NRXN3: variants seen among roughly 807,000 people sequenced by gnomAD.
NRXN3 encodes neurexin 3.
NRXN3 carries 32 observed loss-of-function variants against 137.6 expected under a neutral mutation model. That is an observed-to-expected ratio of 0.23 (90% CI 0.18 to 0.31). NRXN3 has a LOEUF of 0.31. Ranked by LOEUF, NRXN3 falls within the 10% of genes least tolerant of loss-of-function variation. The pLI, the probability that NRXN3 is intolerant of heterozygous loss-of-function variation, is 1.00. For missense variants in NRXN3, 1,574 were observed against 2,062.5 expected, an observed-to-expected ratio of 0.76 and a Z score of 4.59; for synonymous variants, 798 against 784.5, an observed-to-expected ratio of 1.02 and a Z score of -0.29.
chr14:78,259,208 A>AC (rs2070260699), intron 2 of NRXN3, among the ~76,000 whole-genome samples: 1 of 152,164 alleles, frequency 6.6e-6, no homozygotes, highest in African/African-American at 2.4e-5. Flanking sequence ...GTGATGACGA[A>AC]CCTGAGGGTT....
chr14:78,866,381 G>A (rs1052267362), intron 10 of NRXN3, among the ~76,000 whole-genome samples: 3 of 152,064 alleles, frequency 2.0e-5, no homozygotes, highest in African/African-American at 7.2e-5. Context: ...TATTTTGTGT[G>A]GAATATGTAT....
At chr14:78,605,432 A>T (rs2097242038) in intron 4 of NRXN3, among the ~76,000 whole-genome samples, 2 of 152,238 alleles carry the variant, frequency 1.3e-5, no homozygotes, top group Admixed American at 6.5e-5. Flanking sequence ...TGAAATATTA[A>T]AAGAAATTCA....
intron 4 of NRXN3, among the ~76,000 whole-genome samples, chr14:78,590,168 G>T (rs1566829212): frequency 6.6e-6 from 1 of 152,176 alleles, no homozygotes; most frequent in African/African-American, 2.4e-5. Context: ...GGTGCTCTTT[G>T]TGGTGTAGAA....
chr14:79,681,720 G>T, intron 17 of NRXN3, among the ~76,000 whole-genome samples: 1 of 151,760 alleles, frequency 6.6e-6, no homozygotes, highest in African/African-American at 2.4e-5. Context: ...CCAAGAGACA[G>T]ATTTTGAAAT....
intron 10 of NRXN3, among the ~76,000 whole-genome samples, chr14:78,932,380 T>C (rs150773): frequency 0.21 from 31,269 of 152,042 alleles, 4,488 homozygotes; most frequent in East Asian, 0.39. Flanking sequence ...TATGGCCTTA[T>C]ATTTTAGTTA....
chr14:79,436,975 T>G (rs1316487418), intron 15 of NRXN3, among the ~76,000 whole-genome samples: 1 of 152,164 alleles, frequency 6.6e-6, no homozygotes, highest in African/African-American at 2.4e-5. Context: ...CTTTCTGTGT[T>G]GCAAACCTTG....
intron 10 of NRXN3, among the ~76,000 whole-genome samples, chr14:78,858,761 A>G (rs1036222862): frequency 1.3e-5 from 2 of 152,140 alleles, no homozygotes; most frequent in Non-Finnish European, 2.9e-5. Context: ...TCTGCTCCAC[A>G]TGATTCCTTT....
At chr14:78,482,001 A>T (rs2095481011) in intron 4 of NRXN3, among the ~76,000 whole-genome samples, 1 of 152,238 alleles carries the variant, frequency 6.6e-6, no homozygotes, top group South Asian at 2.1e-4. Flanking sequence ...GGGATTCCTT[A>T]TATCAAGGAG....
At chr14:78,842,132 A>T (rs1473732858) in intron 10 of NRXN3, among the ~76,000 whole-genome samples, 2 of 152,090 alleles carry the variant, frequency 1.3e-5, no homozygotes, top group Non-Finnish European at 2.9e-5. Context: ...TGCCTCCTAT[A>T]AGAGTTCATC....
At chr14:79,234,866 G>T (rs1034888877) in intron 15 of NRXN3, among the ~76,000 whole-genome samples, 1 of 151,824 alleles carries the variant, frequency 6.6e-6, no homozygotes, top group Admixed American at 6.6e-5. Flanking sequence ...AACACAATTT[G>T]GGAAATACTA....
At chr14:79,786,581 G>T (rs2099130088) in intron 19 of NRXN3, among the ~76,000 whole-genome samples, 1 of 152,144 alleles carries the variant, frequency 6.6e-6, no homozygotes, top group South Asian at 2.1e-4. Flanking sequence ...TATTTATTCT[G>T]CATTTAAAAG....
At chr14:78,363,605 C>T (rs1245845740) in intron 4 of NRXN3, among the ~76,000 whole-genome samples, 1 of 152,174 alleles carries the variant, frequency 6.6e-6, no homozygotes, top group Non-Finnish European at 1.5e-5. Context: ...GACTTCCAAA[C>T]CCATTGCAGT....
chr14:79,030,179 C>T (rs940259419), intron 15 of NRXN3, among the ~76,000 whole-genome samples: 5 of 151,404 alleles, frequency 3.3e-5, no homozygotes, highest in African/African-American at 1.2e-4. Context: ...CCACGCCTGG[C>T]CCATTATAGA....
At chr14:79,580,532 G>A (rs1199767439) in intron 16 of NRXN3, among the ~76,000 whole-genome samples, 1 of 151,930 alleles carries the variant, frequency 6.6e-6, no homozygotes, top group Non-Finnish European at 1.5e-5. Flanking sequence ...TCTGAGGAAG[G>A]GCTGGGACTG....
intron 15 of NRXN3, among the ~76,000 whole-genome samples, chr14:79,347,569 G>A (rs1007655039): frequency 2.0e-5 from 3 of 151,916 alleles, no homozygotes; most frequent in East Asian, 1.9e-4. Context: ...CTATAGGCAC[G>A]TGCCACCACC....
At chr14:79,614,819 G>A (rs2098138659) in intron 16 of NRXN3, among the ~76,000 whole-genome samples, 1 of 152,150 alleles carries the variant, frequency 6.6e-6, no homozygotes, top group Admixed American at 6.5e-5. Context: ...TTTCCTAACT[G>A]CCCTATCAGA....
chr14:79,337,197 G>A (rs545301392), intron 15 of NRXN3, among the ~76,000 whole-genome samples: 20 of 152,180 alleles, frequency 1.3e-4, no homozygotes, highest in East Asian at 1.9e-4. Flanking sequence ...AATCTGAGTC[G>A]GGACCTTCTT....
intron 2 of NRXN3, among the ~76,000 whole-genome samples, chr14:78,262,583 T>G (rs1224655341): frequency 6.6e-6 from 1 of 152,066 alleles, no homozygotes; most frequent in Non-Finnish European, 1.5e-5. Context: ...GCCTGAAAAT[T>G]CCCAAATAGC....
chr14:78,886,640 T>C (rs955554252), intron 10 of NRXN3, among the ~76,000 whole-genome samples: 3 of 152,126 alleles, frequency 2.0e-5, no homozygotes, highest in Admixed American at 1.3e-4. Flanking sequence ...TAATATAAAG[T>C]ATTAGTAAAC....
Sources: gnomAD v4.1 joint callset for allele counts (sites outside exome capture counted in the v4.1 genomes callset) on GRCh38, gnomAD v4.1.1 for gene constraint, MANE v1.5 for transcripts, NCBI Gene and HGNC (gene_info 2026-07-23, HGNC 2026-07-21) for gene names.